TMEM87B: variants seen among roughly 807,000 people sequenced by gnomAD.
TMEM87B encodes transmembrane protein 87B.
A neutral mutation model predicts 80.3 loss-of-function variants in TMEM87B; 83 were observed. The observed-to-expected ratio is 1.03, with a 90% confidence interval of 0.87 to 1.24. The LOEUF (loss-of-function observed/expected upper bound fraction) is 1.24, where lower values mean the gene tolerates loss of function less well. Among genes scored for constraint, TMEM87B ranks in the 50% most tolerant of loss-of-function variants. The pLI, the probability that TMEM87B is intolerant of heterozygous loss-of-function variation, is 0.00. For synonymous variants in TMEM87B, 219 were observed against 230.5 expected, an observed-to-expected ratio of 0.95 and a Z score of 0.45; for missense variants, 625 against 674.4, an observed-to-expected ratio of 0.93 and a Z score of 0.81.
intron 4 of TMEM87B, among the ~76,000 whole-genome samples, chr2:112,072,493 C>T (rs1466474977): frequency 6.6e-6 from 1 of 152,060 alleles, no homozygotes; most frequent in Admixed American, 6.6e-5. Context: ...CTGGTTTAGT[C>T]TTGGGAGGGT....
intron 11 of TMEM87B, among the ~76,000 whole-genome samples, chr2:112,094,581 G>A (rs546608552): frequency 6.6e-6 from 1 of 152,248 alleles, no homozygotes; most frequent in South Asian, 2.1e-4. Context: ...GGATTTGAGT[G>A]GGGGTAATTT....
intron 8 of TMEM87B, among the ~76,000 whole-genome samples, chr2:112,083,269 G>A (rs1024818370): frequency 1.3e-5 from 2 of 152,184 alleles, no homozygotes; most frequent in African/African-American, 4.8e-5. Context: ...ACTTCTTGTG[G>A]ACAAGATGAG....
chr2:112,059,954 C>A (rs763404978), intron 1 of TMEM87B, 23 bp from the exon 2 acceptor site: 2 of 1,592,026 alleles, frequency 1.3e-6, no homozygotes, highest in East Asian at 2.3e-5. Context: ...ACAAGATCTT[C>A]CTGTGTTTGT....
intron 2 of TMEM87B, 106 bp downstream of exon 2, chr2:112,060,143 C>G (rs575079508): frequency 1.5e-5 from 19 of 1,260,262 alleles, no homozygotes; most frequent in Non-Finnish European, 1.9e-5. Flanking sequence ...GTCGGGAGTT[C>G]AGGACGAGCC....
intron 14 of TMEM87B, among the ~76,000 whole-genome samples, chr2:112,099,955 C>G (rs1679586227): frequency 6.6e-6 from 1 of 150,836 alleles, no homozygotes. Flanking sequence ...TACCACATTA[C>G]TTTTAATGGT....
Position 112,117,555 on chromosome 2 carries a change from A to C in TMEM87B, c.*1412A>C, listed in dbSNP as rs957046347. On this transcript the variant is annotated 3_prime_UTR_variant, in exon 19 of 19. Transcript: ENST00000283206. ...CATATCGCTTGAAAGGTATTGGTAA[A>C]TGTGTTTTCAGTCGTGACCATGTGG... 1 of 152,032 alleles carries C rather than the reference A, an allele frequency of 6.6e-6. No homozygotes were observed. The highest frequency in any genetic ancestry group is 2.4e-5 in the African/African-American group (1 of 41,406). 9.4% of individuals were successfully genotyped at this position (152,032 alleles called of 1,614,324 possible).
chr2:112,076,541 C>T (rs1490308233), intron 5 of TMEM87B, among the ~76,000 whole-genome samples: 5 of 151,786 alleles, frequency 3.3e-5, no homozygotes, highest in Admixed American at 1.3e-4. Flanking sequence ...GGTTTTGCCA[C>T]GTTGGCCAGG....
In TMEM87B at chr2:112,094,230, C is replaced by T. The variant is rs1254133618; in HGVS notation, c.1104+2447C>T. On this transcript the variant is annotated intron_variant, in intron 11 of 18. Coordinates refer to ENST00000283206, the MANE Select transcript of TMEM87B (RefSeq NM_032824.3). ...AGGTTGGAGTGCAGTGGCGTGATCT[C>T]AACTCACTGCAACCTCCACCTCCCA... is the stretch of plus-strand genomic sequence containing the variant. Among the ~76,000 whole-genome samples the T allele has an allele frequency of 4.0e-5, 6 of 149,310 alleles. No individual in the cohort carries two copies. In the South Asian group the frequency reaches 6.3e-4, roughly 16 times the overall value.
At chr2:112,069,530 A>T (rs1220985943) in intron 4 of TMEM87B, among the ~76,000 whole-genome samples, 1 of 152,160 alleles carries the variant, frequency 6.6e-6, no homozygotes, top group Non-Finnish European at 1.5e-5. Context: ...TTATTCCATG[A>T]TGTATATGTA....
rs1363335775 is a variant in TMEM87B, at chr2:112,118,308, G to A, written c.*2165G>A. The stretch of plus-strand genomic sequence containing the variant: ...GGACACCAGGAGAAGTTATACCTAG[G>A]GCTACTGAGCAGCTCATCATCCCTG... On this transcript the variant is annotated 3_prime_UTR_variant, in exon 19 of 19. Transcript: ENST00000283206. 6.6e-6 allele frequency: 1 copy of A among 152,102 alleles called. No homozygotes were observed. The highest frequency in any genetic ancestry group is 1.5e-5 in the Non-Finnish European group (1 of 68,032). 9.4% of individuals were successfully genotyped at this position (152,102 alleles called of 1,614,324 possible).
intron 11 of TMEM87B, among the ~76,000 whole-genome samples, chr2:112,096,312 C>T (rs1254433218): frequency 1.3e-5 from 2 of 152,152 alleles, no homozygotes; most frequent in Non-Finnish European, 2.9e-5. Context: ...ATCTGCAGAC[C>T]TCAGGAAAAG....
rs1680085978 is a variant in TMEM87B at position 112,118,695 on chromosome 2, T to G, written c.*2552T>G. On this transcript the variant is annotated 3_prime_UTR_variant, in exon 19 of 19. Coordinates refer to ENST00000283206, the MANE Select transcript of TMEM87B (RefSeq NM_032824.3). ...TTGTAAAGAAAATAATATTTTAACTTACACATCCTGTAGAAAATACCACCT... is the reference window on the plus strand; with the variant it reads ...TTGTAAAGAAAATAATATTTTAACTGACACATCCTGTAGAAAATACCACCT... The G allele has an allele frequency of 6.6e-6, 1 of 152,224 alleles. No homozygotes were observed. Among genetic ancestry groups the G allele is most frequent in the Admixed American group, 6.5e-5 (1 of 15,288 alleles). 9.4% of individuals were successfully genotyped at this position (152,224 alleles called of 1,614,324 possible). A position where few individuals can be genotyped will look rare whatever the true frequency, so the allele number is the denominator to read the frequency against.
intron 14 of TMEM87B, among the ~76,000 whole-genome samples, chr2:112,099,039 C>G (rs1679553374): frequency 6.6e-6 from 1 of 152,148 alleles, no homozygotes; most frequent in African/African-American, 2.4e-5. Context: ...GTGAGACATG[C>G]AGTTTGGTTA....
At position 112,064,243 on chromosome 2, in the gene TMEM87B, C is replaced by G. The variant is rs757629008; in HGVS notation, c.308C>G (p.Ser103Cys). The G allele has an allele frequency of 6.2e-7, 1 of 1,613,366 alleles. No individual in the cohort carries two copies. Among genetic ancestry groups the G allele is most frequent in the East Asian group, 2.2e-5 (1 of 44,774 alleles). ...TATCATACCTGTCACAATGAGCATT[C>G]TAATCTGGAAGTAAGTAAAACACAA... ...LKYHTCHNEH[S>C]NLEELFQKHK... The change falls in exon 3 of 19, where the codon TCT (serine) becomes TGT (cysteine). Residue 103 changes from serine (S) to cysteine (C), a missense_variant. Coordinates refer to ENST00000283206, the MANE Select transcript of TMEM87B (RefSeq NM_032824.3).
At chr2:112,112,185 C>G (rs72829675) in intron 17 of TMEM87B, among the ~76,000 whole-genome samples, 13,634 of 152,200 alleles carry the variant, frequency 0.09, 666 homozygotes, top group South Asian at 0.19. Context: ...CCTTCAGGCT[C>G]TCCTCCCTCA....
chr2:112,080,548 C>T (rs1678964286), intron 6 of TMEM87B, among the ~76,000 whole-genome samples: 1 of 152,174 alleles, frequency 6.6e-6, no homozygotes, highest in Non-Finnish European at 1.5e-5. Context: ...GGTGAGCCAC[C>T]ACGCCCGGCC....
At chr2:112,113,318 GA>G (rs1197389242) in intron 18 of TMEM87B, among the ~76,000 whole-genome samples, 1 of 152,152 alleles carries the variant, frequency 6.6e-6, no homozygotes, top group Non-Finnish European at 1.5e-5. Context: ...AAGTTTTTGG[GA>G]AAAAAATTAG....
chr2:112,095,954 A>G (rs1679455439), intron 11 of TMEM87B, among the ~76,000 whole-genome samples: 1 of 152,164 alleles, frequency 6.6e-6, no homozygotes, highest in Admixed American at 6.5e-5. Context: ...ATCCTTGGCA[A>G]TGTTGAACTT....
chr2:112,097,839 C>A (rs956754328), intron 13 of TMEM87B, among the ~76,000 whole-genome samples: 1 of 150,666 alleles, frequency 6.6e-6, no homozygotes, highest in South Asian at 2.1e-4. Context: ...AAAATAAATT[C>A]TCTTCCTGTA....
Sources: allele counts gnomAD v4.1 joint callset (sites outside exome capture counted in the v4.1 genomes callset), GRCh38; gene constraint gnomAD v4.1.1; transcripts MANE v1.5; gene names NCBI Gene and HGNC (gene_info 2026-07-23, HGNC 2026-07-21).